CCSER1: variants seen among roughly 807,000 people sequenced by gnomAD.
The protein encoded by CCSER1 is coiled-coil serine rich protein 1.
CCSER1 carries 41 observed loss-of-function variants against 82.0 expected under a neutral mutation model. The observed-to-expected ratio is 0.50, with a 90% CI of 0.39 to 0.65. The LOEUF is 0.65. CCSER1 is among the 30% of genes least tolerant of loss of function. The probability of loss-of-function intolerance (pLI) is 0.00; values close to 1 mark genes in which losing one functional copy is unlikely to be tolerated. For synonymous variants in CCSER1, 414 were observed against 383.9 expected (o/e 1.08, Z -0.92); for missense variants, 1,119 against 1,064.2 (o/e 1.05, Z -0.72).
intron 5 of CCSER1, among the ~76,000 whole-genome samples, chr4:90,494,623 T>C (rs186387666): frequency 6.6e-6 from 1 of 152,282 alleles, no homozygotes; most frequent in East Asian, 1.9e-4. Context: ...CTTTTGGAAA[T>C]TTATGCCCAG....
intron 8 of CCSER1, among the ~76,000 whole-genome samples, chr4:90,853,815 C>T (rs1484928501): frequency 1.3e-5 from 2 of 151,908 alleles, no homozygotes; most frequent in Non-Finnish European, 2.9e-5. Flanking sequence ...TATGGTTGTC[C>T]AGGAGGTAAA....
intron 1 of CCSER1, among the ~76,000 whole-genome samples, chr4:90,240,838 G>C (rs1392091695): frequency 2.0e-5 from 3 of 152,022 alleles, no homozygotes; most frequent in African/African-American, 7.2e-5. Context: ...GCTGATCTTA[G>C]GCCTGTGCTT....
intron 4 of CCSER1, among the ~76,000 whole-genome samples, chr4:90,461,867 A>G (rs1762972259): frequency 6.6e-6 from 1 of 152,082 alleles, no homozygotes; most frequent in Admixed American, 6.6e-5. Flanking sequence ...ATCTCCTACT[A>G]CACTTTAAGT....
chr4:91,018,119 C>G (rs944848650), intron 9 of CCSER1, among the ~76,000 whole-genome samples: 4 of 152,020 alleles, frequency 2.6e-5, no homozygotes, highest in African/African-American at 9.7e-5. Context: ...AAATCTCACT[C>G]ATGAGCATGT....
At chr4:91,278,529 C>T (rs565138640) in intron 10 of CCSER1, among the ~76,000 whole-genome samples, 29 of 151,958 alleles carry the variant, frequency 1.9e-4, no homozygotes, top group East Asian at 1.9e-4. Flanking sequence ...TATCTTTTTC[C>T]GTCTCTTTAT....
At chr4:91,209,540 C>G (rs1736623230) in intron 10 of CCSER1, among the ~76,000 whole-genome samples, 1 of 151,880 alleles carries the variant, frequency 6.6e-6, no homozygotes, top group Non-Finnish European at 1.5e-5. Flanking sequence ...ATTGAACCCA[C>G]CTTGCATCCC....
chr4:91,474,568 G>A (rs114075769), intron 10 of CCSER1, among the ~76,000 whole-genome samples: 2,829 of 151,136 alleles, frequency 0.019, 77 homozygotes, highest in African/African-American at 0.061. Flanking sequence ...AATACAAGTC[G>A]CAAACCAAGA....
intron 10 of CCSER1, chr4:91,130,189 T>G (rs1366559201): frequency 6.6e-6 from 1 of 151,938 alleles, no homozygotes; most frequent in Non-Finnish European, 1.5e-5. Context: ...AGACCCTATG[T>G]CAGCAGATTT....
chr4:91,433,158 C>G (rs1304815756), intron 10 of CCSER1, among the ~76,000 whole-genome samples: 1 of 152,142 alleles, frequency 6.6e-6, no homozygotes, highest in Non-Finnish European at 1.5e-5. Flanking sequence ...CAATTCTTCT[C>G]TTTCAGACCC....
rs116775648 is a variant in CCSER1, at chr4:91,365,177, A to T, written c.2218-233395A>T. On this transcript the variant is annotated intron_variant, in intron 10 of 10. Transcript: ENST00000509176. ...GAGAGGCTTTCAGTGTATTTTTCAC[A>T]TATGTATTATTAGGGCAGTGTAGAA... Among the ~76,000 whole-genome samples the T allele has an allele frequency of 6.2e-3, 938 of 152,312 alleles. 14 individuals are homozygous for T. Among genetic ancestry groups the T allele is most frequent in the African/African-American group, 0.021 (876 of 41,578 alleles).
chr4:90,776,378 T>G (rs1752893305), intron 7 of CCSER1, among the ~76,000 whole-genome samples: 1 of 152,192 alleles, frequency 6.6e-6, no homozygotes, highest in Admixed American at 6.5e-5. Flanking sequence ...TTGAAAGTTA[T>G]CTCAAAGATA....
chr4:91,276,995 G>A (rs1742518925), intron 10 of CCSER1, among the ~76,000 whole-genome samples: 1 of 151,996 alleles, frequency 6.6e-6, no homozygotes, highest in South Asian at 2.1e-4. Flanking sequence ...GCACTGCTGG[G>A]ATAAATGTCA....
chr4:90,755,596 G>A (rs1749390738), intron 7 of CCSER1, among the ~76,000 whole-genome samples: 1 of 152,094 alleles, frequency 6.6e-6, no homozygotes, highest in African/African-American at 2.4e-5. Flanking sequence ...AACGTATTCT[G>A]CTTAATACTG....
At chr4:90,605,750 A>T (rs1350149591) in intron 5 of CCSER1, among the ~76,000 whole-genome samples, 1 of 151,786 alleles carries the variant, frequency 6.6e-6, no homozygotes, top group Non-Finnish European at 1.5e-5. Flanking sequence ...ATTTTTTATA[A>T]TTTTTTTTGA....
At chr4:90,844,837 G>T (rs1320751163) in intron 8 of CCSER1, among the ~76,000 whole-genome samples, 1 of 152,158 alleles carries the variant, frequency 6.6e-6, no homozygotes, top group Non-Finnish European at 1.5e-5. Context: ...ATTTGTAGTT[G>T]CTAGACAAGG....
At chr4:91,160,237 A>C in intron 10 of CCSER1, among the ~76,000 whole-genome samples, 1 of 152,132 alleles carries the variant, frequency 6.6e-6, no homozygotes, top group East Asian at 1.9e-4. Context: ...ATCCATTTTC[A>C]TGGCTGCATA....
At chr4:90,630,959 T>C (rs1199532745) in intron 6 of CCSER1, among the ~76,000 whole-genome samples, 1 of 151,352 alleles carries the variant, frequency 6.6e-6, no homozygotes, top group African/African-American at 2.4e-5. Flanking sequence ...AGTGGCGCGA[T>C]CTCAGCTCAC....
intron 1 of CCSER1, among the ~76,000 whole-genome samples, chr4:90,161,065 C>G (rs946286536): frequency 6.6e-6 from 1 of 152,070 alleles, no homozygotes; most frequent in African/African-American, 2.4e-5. Context: ...TATATAGATG[C>G]CTGATAGAAA....
intron 4 of CCSER1, among the ~76,000 whole-genome samples, chr4:90,403,119 C>T (rs926489831): frequency 1.3e-5 from 2 of 152,142 alleles, no homozygotes; most frequent in South Asian, 2.1e-4. Context: ...GCAGCAAACA[C>T]GTTTATATAC....
Sources: allele counts gnomAD v4.1 joint callset (sites outside exome capture counted in the v4.1 genomes callset), GRCh38; gene constraint gnomAD v4.1.1; transcripts MANE v1.5; gene names NCBI Gene and HGNC (gene_info 2026-07-23, HGNC 2026-07-21).